AGMO: variants seen among roughly 807,000 people sequenced by gnomAD.
AGMO encodes alkylglycerol monooxygenase.
AGMO carries 75 observed loss-of-function variants against 60.2 expected under a neutral mutation model. The ratio of observed to expected loss-of-function variants is 1.25; its 90% CI spans 1.03 to 1.51. The LOEUF is 1.51. AGMO is among the 40% of genes most tolerant of loss of function. The pLI, the probability that AGMO is intolerant of heterozygous loss-of-function variation, is 0.00. For synonymous variants in AGMO, 261 were observed against 177.1 expected (o/e 1.47, Z -3.76); for missense variants, 763 against 525.5 (o/e 1.45, Z -4.42).
chr7:15,138,465 G>C, the AGMO span, among the ~76,000 whole-genome samples: 1 of 152,132 alleles, frequency 6.6e-6, no homozygotes, highest in African/African-American at 2.4e-5. Context: ...CTCAGACAAT[G>C]ATCTGCTGAA....
At chr7:15,462,063 TA>T (rs56245738) in intron 3 of AGMO, among the ~76,000 whole-genome samples, 92 of 151,204 alleles carry the variant, frequency 6.1e-4, no homozygotes, top group Non-Finnish European at 1.1e-3. Context: ...TTGGAAAAGG[TA>T]AAAAAAAATT....
At chr7:15,502,920 T>C (rs760555563) in intron 3 of AGMO, among the ~76,000 whole-genome samples, 6 of 152,018 alleles carry the variant, frequency 3.9e-5, no homozygotes, top group Non-Finnish European at 8.8e-5. Flanking sequence ...GCTAGTAATA[T>C]AGACTCAAAC....
At chr7:15,190,126 TTTATATA>T in the AGMO span, among the ~76,000 whole-genome samples, 3 of 1,412 alleles carry the variant, frequency 2.1e-3, no homozygotes, top group Non-Finnish European at 2.9e-3. Context: ...TATATATATA[TTTATATA>T]TATATATATA....
At chr7:15,191,520 C>T in the AGMO span, among the ~76,000 whole-genome samples, 9 of 152,100 alleles carry the variant, frequency 5.9e-5, no homozygotes, top group African/African-American at 1.4e-4. Flanking sequence ...ATAGTTGAGA[C>T]TAAACACCAA....
intron 5 of AGMO, among the ~76,000 whole-genome samples, chr7:15,415,430 C>G (rs1052884744): frequency 2.0e-5 from 3 of 151,888 alleles, no homozygotes; most frequent in Non-Finnish European, 4.4e-5. Context: ...GTAGTCCCAA[C>G]TACTTGGGAG....
At chr7:15,371,133 T>G (rs1326412137) in intron 10 of AGMO, among the ~76,000 whole-genome samples, 1 of 152,154 alleles carries the variant, frequency 6.6e-6, no homozygotes, top group Non-Finnish European at 1.5e-5. Flanking sequence ...ATTAAAGATT[T>G]GAACCTAAGA....
At chr7:15,158,070 CTG>C in the AGMO span, among the ~76,000 whole-genome samples, 18 of 152,064 alleles carry the variant, frequency 1.2e-4, no homozygotes, top group East Asian at 5.8e-4. Flanking sequence ...TATTTTATGA[CTG>C]TATTGATATA....
At chr7:15,392,222 A>C (rs1296439497) in intron 6 of AGMO, among the ~76,000 whole-genome samples, 1 of 151,614 alleles carries the variant, frequency 6.6e-6, no homozygotes, top group East Asian at 2.0e-4. Flanking sequence ...GGTGCCGGCC[A>C]CTATACCCGG....
intron 3 of AGMO, among the ~76,000 whole-genome samples, chr7:15,518,323 A>G (rs1712955684): frequency 6.6e-6 from 1 of 152,152 alleles, no homozygotes; most frequent in Non-Finnish European, 1.5e-5. Context: ...AGCTCTGCTA[A>G]GGGACAGACT....
the AGMO span, among the ~76,000 whole-genome samples, chr7:15,169,488 T>C: frequency 2.6e-5 from 4 of 151,958 alleles, no homozygotes; most frequent in Non-Finnish European, 5.9e-5. Flanking sequence ...CCAGAGTATA[T>C]TGCAGTGCTG....
Position 15,475,682 on chromosome 7 carries a change from A to G in AGMO, c.410-44574T>C, listed in dbSNP as rs568349780. On this transcript the variant is annotated intron_variant, in intron 3 of 12. Transcript: ENST00000342526. ...GCACATGTATCCCAGAACTTAAAGT[A>G]TAATTTTAAAAAAAAAGAAAAAGAA... Among the ~76,000 whole-genome samples the G allele has an allele frequency of 2.7e-4, 41 of 152,220 alleles. 1 individual carries two copies. The South Asian group carries it at 8.5e-3, about 32-fold the overall frequency.
At chr7:15,338,611 T>TG (rs1305290339) in intron 12 of AGMO, among the ~76,000 whole-genome samples, 5 of 152,082 alleles carry the variant, frequency 3.3e-5, no homozygotes, top group African/African-American at 1.2e-4. Flanking sequence ...TGAAACAACT[T>TG]TAAGACTAAT....
intron 12 of AGMO, among the ~76,000 whole-genome samples, chr7:15,322,407 C>T (rs1781134360): frequency 7.6e-6 from 1 of 132,146 alleles, no homozygotes; most frequent in East Asian, 2.1e-4. Flanking sequence ...CTGAGTAGTT[C>T]ATATAAACAT....
At chr7:15,380,265 T>C (rs988775586) in intron 10 of AGMO, among the ~76,000 whole-genome samples, 3 of 152,082 alleles carry the variant, frequency 2.0e-5, no homozygotes, top group African/African-American at 7.2e-5. Context: ...GAAAACCCCA[T>C]GGTGTCAACC....
At chr7:15,445,877 C>G (rs1486191270) in intron 3 of AGMO, among the ~76,000 whole-genome samples, 1 of 152,120 alleles carries the variant, frequency 6.6e-6, no homozygotes, top group Admixed American at 6.5e-5. Flanking sequence ...TTCTGCCACT[C>G]CAAAGATGTG....
intron 2 of AGMO, among the ~76,000 whole-genome samples, chr7:15,548,175 T>G (rs1784842861): frequency 6.6e-6 from 1 of 152,026 alleles, no homozygotes; most frequent in African/African-American, 2.4e-5. Flanking sequence ...TACATCACCG[T>G]CATCAAAGAC....
intron 3 of AGMO, among the ~76,000 whole-genome samples, chr7:15,450,842 T>A (rs1262745968): frequency 6.6e-6 from 1 of 152,140 alleles, no homozygotes; most frequent in East Asian, 1.9e-4. Flanking sequence ...GTTTCCTACA[T>A]TTGAACAACA....
the AGMO span, among the ~76,000 whole-genome samples, chr7:15,167,374 T>C: frequency 6.6e-6 from 1 of 152,216 alleles, no homozygotes; most frequent in African/African-American, 2.4e-5. Context: ...GGACTTTATT[T>C]GTTCAAAAGG....
At chr7:15,311,380 C>G (rs981523935) in intron 12 of AGMO, among the ~76,000 whole-genome samples, 1 of 152,048 alleles carries the variant, frequency 6.6e-6, no homozygotes, top group African/African-American at 2.4e-5. Context: ...GGGAATCTAA[C>G]AGAAAACCCT....
Sources: allele counts gnomAD v4.1 joint callset (sites outside exome capture counted in the v4.1 genomes callset), GRCh38; gene constraint gnomAD v4.1.1; transcripts MANE v1.5; gene names NCBI Gene and HGNC (gene_info 2026-07-23, HGNC 2026-07-21).